Variants in UST observed in about 807,000 individuals in gnomAD.
UST encodes the protein chondroitin sulfate 2-O-sulfotransferase.
A neutral mutation model predicts 45.6 loss-of-function variants in UST; 21 were observed. The ratio of observed to expected loss-of-function variants is 0.46; its 90% CI spans 0.33 to 0.66. The LOEUF (loss-of-function observed/expected upper bound fraction) is 0.66, where lower values mean the gene tolerates loss of function less well. Among genes scored for constraint, UST ranks in the 30% least tolerant of loss-of-function variants. The pLI is 0.02. For missense variants in UST, 463 were observed against 512.4 expected (o/e 0.90, Z 0.93); for synonymous variants, 215 against 200.6 (o/e 1.07, Z -0.61).
chr6:148,986,321 C>T (rs539100333), intron 5 of UST, among the ~76,000 whole-genome samples: 2 of 152,234 alleles, frequency 1.3e-5, no homozygotes, highest in South Asian at 4.1e-4. Flanking sequence ...TATTATTATA[C>T]CTGTTTTGCA....
intron 3 of UST, among the ~76,000 whole-genome samples, chr6:148,951,473 A>G (rs1023348282): frequency 2.6e-5 from 4 of 152,180 alleles, no homozygotes; most frequent in South Asian, 2.1e-4. Context: ...AATTTATGCC[A>G]TGGAATCAGA....
At chr6:148,784,576 GCAAT>G (rs1776704001) in intron 1 of UST, among the ~76,000 whole-genome samples, 1 of 152,154 alleles carries the variant, frequency 6.6e-6, no homozygotes, top group Non-Finnish European at 1.5e-5. Flanking sequence ...AGATTTGGTG[GCAAT>G]CAGAGTATTA....
At chr6:148,803,417 A>T (rs999472641) in intron 1 of UST, among the ~76,000 whole-genome samples, 4 of 152,314 alleles carry the variant, frequency 2.6e-5, no homozygotes, top group Admixed American at 1.3e-4. Flanking sequence ...ACAGAAATTT[A>T]TACATAATCT....
chr6:148,831,745 T>C (rs1777691239), intron 1 of UST, among the ~76,000 whole-genome samples: 1 of 152,138 alleles, frequency 6.6e-6, no homozygotes. Context: ...CAGAGAGCTA[T>C]GATTGTGCCA....
rs1274526877 is a variant in UST, at chr6:149,009,578, CACACATAG to C, written c.682-9557_682-9550del. ...ATGTTAAAACACACACACACACACA[CACACATAG>C]ACAGACACACATCACCTGCAAGTTA... On this transcript the variant is annotated intron_variant, in intron 5 of 7. Transcript: ENST00000367463. Among the ~76,000 whole-genome samples the C allele has an allele frequency of 2.9e-4, 41 of 142,230 alleles. 2 individuals are homozygous for C. Among genetic ancestry groups the C allele is most frequent in the East Asian group, 2.2e-4 (1 of 4,618 alleles). The allele number at this position is 142,230 out of a possible 152,430, so 93.3% of individuals were successfully genotyped here. A position where few individuals can be genotyped will look rare whatever the true frequency, so the allele number is the denominator to read the frequency against.
At chr6:148,984,669 G>C (rs1489753272) in intron 5 of UST, among the ~76,000 whole-genome samples, 1 of 152,062 alleles carries the variant, frequency 6.6e-6, no homozygotes, top group South Asian at 2.1e-4. Context: ...CAAGTAGCTC[G>C]GGCTATAGGT....
At chr6:148,950,685 A>G (rs1384481672) in intron 3 of UST, among the ~76,000 whole-genome samples, 2 of 152,180 alleles carry the variant, frequency 1.3e-5, no homozygotes, top group Non-Finnish European at 1.5e-5. Context: ...TTTCCTGGCT[A>G]ACTCCTCTAG....
At chr6:148,757,908 C>G (rs77158210) in intron 1 of UST, among the ~76,000 whole-genome samples, 3,114 of 152,300 alleles carry the variant, frequency 0.02, 112 homozygotes, top group African/African-American at 0.071. Flanking sequence ...CATTTATTAG[C>G]TGGGACAGCT....
At chr6:148,807,011 G>A (rs1296658530) in intron 1 of UST, among the ~76,000 whole-genome samples, 1 of 152,180 alleles carries the variant, frequency 6.6e-6, no homozygotes, top group Non-Finnish European at 1.5e-5. Context: ...TTGTAGAGGG[G>A]ACATTAAACC....
chr6:148,940,790 C>A (rs1445946041), intron 2 of UST, among the ~76,000 whole-genome samples: 1 of 152,054 alleles, frequency 6.6e-6, no homozygotes, highest in Non-Finnish European at 1.5e-5. Context: ...AGCATTTTTT[C>A]ATGTGCTTGT....
At chr6:149,023,131 TGTGTGTGTGTGTGTGTGTG>T (rs1387165371) in intron 7 of UST, among the ~76,000 whole-genome samples, 5 of 150,400 alleles carry the variant, frequency 3.3e-5, no homozygotes, top group African/African-American at 7.3e-5. Context: ...TGTGTGTGTG[TGTGTGTGTGTGTGTGTGTG>T]GTGTGGTGTG....
chr6:148,901,740 T>G (rs186561209), intron 2 of UST, among the ~76,000 whole-genome samples: 2 of 152,156 alleles, frequency 1.3e-5, no homozygotes, highest in Admixed American at 6.5e-5. Flanking sequence ...GTATTTTTAG[T>G]AGAGATGGGG....
chr6:148,865,664 TTG>T (rs56252604), intron 1 of UST, among the ~76,000 whole-genome samples: 8,864 of 117,626 alleles, frequency 0.075, 295 homozygotes, highest in African/African-American at 0.08. Flanking sequence ...CTTGCTGAAA[TTG>T]TGTGTGTGTG....
intron 5 of UST, among the ~76,000 whole-genome samples, chr6:148,995,734 C>T (rs1781441607): frequency 6.6e-6 from 1 of 152,240 alleles, no homozygotes; most frequent in African/African-American, 2.4e-5. Context: ...ATTCAAATTT[C>T]TAGCTTCTCT....
intron 1 of UST, among the ~76,000 whole-genome samples, chr6:148,819,931 C>T (rs1309147480): frequency 6.6e-6 from 1 of 152,214 alleles, no homozygotes; most frequent in Non-Finnish European, 1.5e-5. Flanking sequence ...TACCCTTCAG[C>T]TTTTTCCACG....
At chr6:148,766,153 T>C (rs1236465566) in intron 1 of UST, among the ~76,000 whole-genome samples, 1 of 152,222 alleles carries the variant, frequency 6.6e-6, no homozygotes, top group Non-Finnish European at 1.5e-5. Context: ...ATTTGTTTTA[T>C]GGCATAATGC....
chr6:148,785,226 C>T lies in UST; in HGVS notation c.247+37549C>T, dbSNP rs79073801. On this transcript the variant is annotated intron_variant, in intron 1 of 7. Coordinates refer to ENST00000367463, the MANE Select transcript of UST (RefSeq NM_005715.3). ...AAAAAAAAAAAAAAAAGCATACATG[C>T]ATTTAGGCATTAAGATGCTATAGAC... is the stretch of plus-strand genomic sequence containing the variant. Among the ~76,000 whole-genome samples, 508 of 151,520 alleles carry T rather than the reference C, an allele frequency of 3.4e-3. 4 individuals are homozygous for T. Among genetic ancestry groups the T allele is most frequent in the African/African-American group, 0.011 (458 of 41,340 alleles).
At chr6:148,933,477 A>G (rs1361224309) in intron 2 of UST, among the ~76,000 whole-genome samples, 1 of 152,236 alleles carries the variant, frequency 6.6e-6, no homozygotes, top group African/African-American at 2.4e-5. Flanking sequence ...GAAGAAAGCC[A>G]AAGGTTCAGA....
chr6:148,749,314 C>T (rs1775944463), intron 1 of UST, among the ~76,000 whole-genome samples: 1 of 152,198 alleles, frequency 6.6e-6, no homozygotes, highest in African/African-American at 2.4e-5. Flanking sequence ...GCAGCAATCC[C>T]TGTTAACAGG....
Sources: allele counts gnomAD v4.1 joint callset (sites outside exome capture counted in the v4.1 genomes callset), GRCh38; gene constraint gnomAD v4.1.1; transcripts MANE v1.5; gene names NCBI Gene and HGNC (gene_info 2026-07-23, HGNC 2026-07-21).